P4HA2: variants seen among roughly 807,000 people sequenced by gnomAD.
The protein encoded by P4HA2 is prolyl 4-hydroxylase subunit alpha 2.
Under a neutral mutation model 76.9 loss-of-function variants are expected in P4HA2, and 46 were observed. The observed-to-expected ratio is 0.60, with a 90% CI of 0.47 to 0.76. P4HA2 has a LOEUF of 0.76. Ranked by LOEUF, P4HA2 falls within the 30% of genes least tolerant of loss-of-function variation. The pLI is 0.00. For synonymous variants in P4HA2, 243 were observed against 254.0 expected (o/e 0.96, Z 0.41); for missense variants, 583 against 669.4 (o/e 0.87, Z 1.42).
intron 4 of P4HA2, among the ~76,000 whole-genome samples, chr5:132,215,578 G>T (rs1178366610): frequency 6.6e-6 from 1 of 152,178 alleles, no homozygotes; most frequent in East Asian, 1.9e-4. Context: ...AGGCCACCCT[G>T]CCCCCAGGCC....
At position 132,210,537 on chromosome 5, in the gene P4HA2, A is replaced by G; in HGVS notation, c.470-14T>C. ...GGTACTTGGTTCCTACAGCAGGGGA[A>G]GTAAATTGTCAGGCTCCAAAGAGCC... On this transcript the variant is annotated splice_polypyrimidine_tract_variant and intron_variant, in intron 5 of 14. Coordinates refer to ENST00000360568, the MANE Select transcript of P4HA2 (RefSeq NM_001017974.2). 1 of 1,613,806 alleles carries G rather than the reference A, an allele frequency of 6.2e-7. No homozygotes were observed. Among genetic ancestry groups the G allele is most frequent in the Non-Finnish European group, 8.5e-7 (1 of 1,179,796 alleles).
rs1359703710 is a variant in P4HA2 at position 132,195,480 on chromosome 5, T to C, written c.1366A>G (p.Met456Val). The C allele has an allele frequency of 2.5e-6, 4 of 1,610,894 alleles. No individual in the cohort carries two copies. The highest frequency in any genetic ancestry group is 3.4e-6 in the Non-Finnish European group (4 of 1,177,222). Residue 456 changes from methionine (M) to valine (V), a missense_variant and splice_region_variant, in exon 13 of 15, where the codon ATG becomes GTG. By Grantham distance (21) the Met-to-Val change is conservative. Coordinates refer to ENST00000360568, the MANE Select transcript of P4HA2 (RefSeq NM_001017974.2). Reference protein sequence around the residue: ...GNRLATFLNYMSDVEAGGATV... With the variant: ...GNRLATFLNYVSDVEAGGATV... ...GCACCACCAGCTTCTACATCACTCA[T>C]CTGGAAATATAAGACATAGAGCTTG... is the stretch of plus-strand genomic sequence containing the variant.
At position 132,192,950 on chromosome 5, in the gene P4HA2, AG is replaced by A; in HGVS notation, c.*59del. The A allele has an allele frequency of 1.9e-6, 2 of 1,038,034 alleles. No individual in the cohort carries two copies. Among genetic ancestry groups the A allele is most frequent in the East Asian group, 2.4e-5 (1 of 42,280 alleles). The allele number at this position is 1,038,034 out of a possible 1,614,324, so 64.3% of individuals were successfully genotyped here. On this transcript the variant is annotated 3_prime_UTR_variant, in exon 15 of 15. Coordinates refer to ENST00000360568, the MANE Select transcript of P4HA2 (RefSeq NM_001017974.2). ...TAGGAACATACAAAGGAACATACAA[AG>A]GTGTCTGTCACGTTGACATGGGCTG...
intron 1 of P4HA2, among the ~76,000 whole-genome samples, chr5:132,223,761 G>A (rs962984575): frequency 6.6e-6 from 1 of 152,200 alleles, no homozygotes; most frequent in Admixed American, 6.5e-5. Flanking sequence ...CTCCATTTCA[G>A]ATATAAGATA....
At chr5:132,215,658 C>T (rs973540413) in intron 4 of P4HA2, among the ~76,000 whole-genome samples, 1 of 152,142 alleles carries the variant, frequency 6.6e-6, no homozygotes, top group African/African-American at 2.4e-5. Flanking sequence ...TTAATCAGCA[C>T]TCACAGCTCA....
intron 1 of P4HA2, among the ~76,000 whole-genome samples, chr5:132,223,845 A>C (rs1321882941): frequency 6.6e-6 from 1 of 152,248 alleles, no homozygotes; most frequent in African/African-American, 2.4e-5. Flanking sequence ...AATCAATGAC[A>C]GAACCAAGAG....
intron 6 of P4HA2, 142 bp from the exon 7 acceptor site, chr5:132,209,473 C>T (rs1458906057): frequency 1.4e-5 from 10 of 730,438 alleles, no homozygotes; most frequent in South Asian, 5.4e-5. Context: ...AACCAGAGTA[C>T]GCTGGTCGTA....
chr5:132,213,807 CACCAGA>C (rs1408260657), intron 5 of P4HA2, 103 bp downstream of exon 5: 9 of 1,003,888 alleles, frequency 9.0e-6, no homozygotes, highest in Non-Finnish European at 1.4e-5. Context: ...CCAAGAGGTG[CACCAGA>C]GGTGCACCCG....
chr5:132,204,726 G>A (rs564852394), intron 8 of P4HA2, among the ~76,000 whole-genome samples: 21 of 152,292 alleles, frequency 1.4e-4, no homozygotes, highest in South Asian at 1.0e-3. Context: ...CACAGTTTTC[G>A]CTCCCTTGGG....
intron 14 of P4HA2, 119 bp from the exon 15 acceptor site, chr5:132,193,199 A>G: frequency 1.4e-6 from 1 of 704,008 alleles, no homozygotes; most frequent in South Asian, 1.7e-5. Flanking sequence ...ATAAGACAAG[A>G]CATGATCTCA....
At chr5:132,214,999 TGA>T (rs1440748175) in intron 4 of P4HA2, among the ~76,000 whole-genome samples, 5 of 152,130 alleles carry the variant, frequency 3.3e-5, no homozygotes, top group Admixed American at 3.3e-4. Flanking sequence ...AGCTGAGAAG[TGA>T]GAGGGGAACA....
At chr5:132,196,335 C>G (rs1284002940) in intron 12 of P4HA2, among the ~76,000 whole-genome samples, 1 of 152,218 alleles carries the variant, frequency 6.6e-6, no homozygotes, top group Non-Finnish European at 1.5e-5. Flanking sequence ...CCCTGTCAGT[C>G]TCACTAGCCT....
chr5:132,205,852 C>T (rs959608659), intron 8 of P4HA2, among the ~76,000 whole-genome samples: 3 of 152,162 alleles, frequency 2.0e-5, no homozygotes, highest in Non-Finnish European at 2.9e-5. Flanking sequence ...TGGCCTGACA[C>T]CCACAAAGAG....
chr5:132,214,189 C>T, intron 4 of P4HA2, 136 bp from the exon 5 acceptor site: 1 of 809,568 alleles, frequency 1.2e-6, no homozygotes, highest in South Asian at 1.8e-5. Flanking sequence ...GCTGTTGCCC[C>T]CTTCCACCAG....
chr5:132,207,338 A>G (rs1337536444), intron 8 of P4HA2, among the ~76,000 whole-genome samples: 1 of 152,182 alleles, frequency 6.6e-6, no homozygotes, highest in Admixed American at 6.5e-5. Context: ...CACCTCATTT[A>G]CAGTCCTAAT....
chr5:132,206,935 T>C (rs1043888192), intron 8 of P4HA2, among the ~76,000 whole-genome samples: 3 of 152,206 alleles, frequency 2.0e-5, no homozygotes, highest in Non-Finnish European at 2.9e-5. Context: ...CTGCAATCTG[T>C]ATGAGTTTGC....
At chr5:132,205,784 C>A (rs1313898163) in intron 8 of P4HA2, among the ~76,000 whole-genome samples, 1 of 152,182 alleles carries the variant, frequency 6.6e-6, no homozygotes, top group African/African-American at 2.4e-5. Context: ...TCATGTCAGT[C>A]CCTCCCTGAA....
rs1750058798 is a variant in P4HA2, at chr5:132,192,945, T to C, written c.*65A>G. On this transcript the variant is annotated 3_prime_UTR_variant, in exon 15 of 15. Coordinates refer to ENST00000360568, the MANE Select transcript of P4HA2 (RefSeq NM_001017974.2). ...CCTGATAGGAACATACAAAGGAACA[T>C]ACAAAGGTGTCTGTCACGTTGACAT... 4 of 1,024,452 alleles carry C rather than the reference T, an allele frequency of 3.9e-6. No homozygotes were observed. Among genetic ancestry groups the C allele is most frequent in the African/African-American group, 1.6e-5 (1 of 63,598 alleles). The allele number at this position is 1,024,452 out of a possible 1,614,324, so 63.5% of individuals were successfully genotyped here. A position where few individuals can be genotyped will look rare whatever the true frequency, so the allele number is the denominator to read the frequency against.
chr5:132,198,743 C>T, intron 11 of P4HA2, 136 bp downstream of exon 11: 5 of 682,978 alleles, frequency 7.3e-6, no homozygotes, highest in Admixed American at 2.4e-5. Flanking sequence ...GAAGAGTTTC[C>T]CCTGGTGATG....
Sources: allele counts gnomAD v4.1 joint callset (sites outside exome capture counted in the v4.1 genomes callset), GRCh38; gene constraint gnomAD v4.1.1; transcripts MANE v1.5; gene names NCBI Gene and HGNC (gene_info 2026-07-23, HGNC 2026-07-21).